Variants in ANKRD44 observed in about 807,000 individuals in gnomAD.
The protein encoded by ANKRD44 is serine/threonine-protein phosphatase 6 regulatory ankyrin repeat subunit B.
In ANKRD44, 35 loss-of-function variants were observed where a neutral mutation model predicts 116.0. That is an observed-to-expected ratio of 0.30 (90% CI 0.23 to 0.40). The LOEUF (loss-of-function observed/expected upper bound fraction) is 0.40. Ranked by LOEUF, ANKRD44 falls within the 10% of genes least tolerant of loss-of-function variation. ANKRD44 has a pLI of 1.00. For synonymous variants in ANKRD44, 435 were observed against 461.8 expected (o/e 0.94, Z 0.74); for missense variants, 1,014 against 1,242.6 (o/e 0.82, Z 2.77).
intron 2 of ANKRD44, among the ~76,000 whole-genome samples, chr2:197,161,909 A>T (rs1231442291): frequency 6.6e-6 from 1 of 152,162 alleles, no homozygotes; most frequent in African/African-American, 2.4e-5. Flanking sequence ...GATGGAACAG[A>T]TCCAGGCATA....
chr2:196,989,552 ATATGTGTGCATGTG>A lies in ANKRD44; in HGVS notation c.*25_*38del, dbSNP rs1559397077. On this transcript the variant is annotated 3_prime_UTR_variant, in exon 28 of 28. Coordinates refer to ENST00000282272, the MANE Select transcript of ANKRD44 (RefSeq NM_001195144.2). ...TATATATATATACACACGCACACAT[ATATGTGTGCATGTG>A]TATGTGCATAATTTTTAAAGAGTCT... 1 of 1,547,576 alleles carries A rather than the reference ATATGTGTGCATGTG, an allele frequency of 6.5e-7. No individual in the cohort carries two copies. Among genetic ancestry groups the A allele is most frequent in the Non-Finnish European group, 8.7e-7 (1 of 1,145,378 alleles).
chr2:197,194,353 T>G (rs1047333840), intron 1 of ANKRD44, among the ~76,000 whole-genome samples: 6 of 152,274 alleles, frequency 3.9e-5, no homozygotes, highest in African/African-American at 1.4e-4. Context: ...CATATATTCA[T>G]GCCAGCTTAA....
chr2:196,989,541 C>CA lies in ANKRD44; in HGVS notation c.*49dup, dbSNP rs762460653. Reference sequence around the variant, plus strand: ...ACACACACATATATATATATATACACACGCACACATATATGTGTGCATGTG... The same window carrying CA: ...ACACACACATATATATATATATACACAACGCACACATATATGTGTGCATGTG... On this transcript the variant is annotated 3_prime_UTR_variant, in exon 28 of 28. Coordinates refer to ENST00000282272, the MANE Select transcript of ANKRD44 (RefSeq NM_001195144.2). 6.5e-7 allele frequency: 1 copy of CA among 1,539,702 alleles called. No individual in the cohort carries two copies. Among genetic ancestry groups the CA allele is most frequent in the South Asian group, 1.2e-5 (1 of 83,526 alleles).
intron 16 of ANKRD44, among the ~76,000 whole-genome samples, chr2:197,062,498 G>A (rs1284514571): frequency 2.0e-5 from 3 of 152,236 alleles, no homozygotes; most frequent in Admixed American, 6.5e-5. Context: ...GACAGTGGGT[G>A]CAGCCCACAG....
chr2:196,995,595 T>A, intron 25 of ANKRD44, 134 bp from the exon 26 acceptor site: 1 of 623,086 alleles, frequency 1.6e-6, no homozygotes, highest in Non-Finnish European at 2.7e-6. Flanking sequence ...ATTTTCTGAG[T>A]AATTTTTTTT....
intron 1 of ANKRD44, among the ~76,000 whole-genome samples, chr2:197,269,278 TTGAA>T (rs1559203559): frequency 6.6e-6 from 1 of 152,066 alleles, no homozygotes; most frequent in African/African-American, 2.4e-5. Flanking sequence ...CAGGGAAAGT[TTGAA>T]TATGGAGATA....
At chr2:197,173,622 T>C (rs933567965) in intron 2 of ANKRD44, among the ~76,000 whole-genome samples, 5 of 152,188 alleles carry the variant, frequency 3.3e-5, no homozygotes, top group Non-Finnish European at 7.4e-5. Context: ...TTGAAATGTA[T>C]CATTTCTGAG....
intron 6 of ANKRD44, among the ~76,000 whole-genome samples, chr2:197,124,982 C>T (rs1309547343): frequency 3.3e-5 from 5 of 152,130 alleles, no homozygotes; most frequent in Admixed American, 3.3e-4. Context: ...CTTTTTGTTT[C>T]TTTCAAAAAT....
At chr2:197,026,724 A>G (rs1033006182) in intron 16 of ANKRD44, among the ~76,000 whole-genome samples, 1 of 152,188 alleles carries the variant, frequency 6.6e-6, no homozygotes, top group Non-Finnish European at 1.5e-5. Flanking sequence ...TTAGGCTCTA[A>G]GGAGACAAAG....
intron 1 of ANKRD44, among the ~76,000 whole-genome samples, chr2:197,301,696 GATACAT>G (rs1463209862): frequency 6.6e-6 from 1 of 152,142 alleles, no homozygotes. Context: ...TACATATACA[GATACAT>G]ATACATATTT....
At chr2:197,290,049 G>A (rs1012780733) in intron 1 of ANKRD44, among the ~76,000 whole-genome samples, 4 of 151,950 alleles carry the variant, frequency 2.6e-5, no homozygotes, top group African/African-American at 4.8e-5. Flanking sequence ...TAGGAGAGAC[G>A]GGGTTTCACT....
chr2:197,069,448 T>TA lies in ANKRD44; in HGVS notation c.1650+9254dup, dbSNP rs369601584. On this transcript the variant is annotated intron_variant, in intron 16 of 27. Transcript: ENST00000282272. ...ATGTACCCTAGAACTTAAAGTATAA[T>TA]AAAAAAAAATTGACCTTCTCTTTGC... Among the ~76,000 whole-genome samples the TA allele has an allele frequency of 9.5e-3, 1,441 of 151,652 alleles. 9 individuals are homozygous for TA. The highest frequency in any genetic ancestry group is 0.041 in the Middle Eastern group (12 of 290).
At chr2:197,060,481 C>T (rs2077287476) in intron 16 of ANKRD44, among the ~76,000 whole-genome samples, 2 of 152,166 alleles carry the variant, frequency 1.3e-5, no homozygotes, top group Non-Finnish European at 2.9e-5. Context: ...ATGATTACCA[C>T]AAACAAACTA....
intron 4 of ANKRD44, among the ~76,000 whole-genome samples, chr2:197,129,048 C>T (rs543301853): frequency 6.6e-6 from 1 of 152,190 alleles, no homozygotes; most frequent in South Asian, 2.1e-4. Context: ...CTACTCTTTT[C>T]ACAACAGATA....
At position 196,987,677 on chromosome 2, in the gene ANKRD44, A is replaced by C. The variant is rs990854401; in HGVS notation, c.*1914T>G. 3.1e-5 allele frequency: 31 copies of C among 985,364 alleles called. No homozygotes were observed. Among genetic ancestry groups the C allele is most frequent in the Non-Finnish European group, 3.6e-5 (30 of 829,948 alleles). The allele number at this position is 985,364 out of a possible 1,614,324, so 61.0% of individuals were successfully genotyped here. A position where few individuals can be genotyped will look rare whatever the true frequency, so the allele number is the denominator to read the frequency against. ...GAGCTATTTACTGTAGAATCATAGCAGATTTTAGGCAATTTGGAGATAGTA... is the reference window on the plus strand; with the variant it reads ...GAGCTATTTACTGTAGAATCATAGCCGATTTTAGGCAATTTGGAGATAGTA... On this transcript the variant is annotated 3_prime_UTR_variant, in exon 28 of 28. Coordinates refer to ENST00000282272, the MANE Select transcript of ANKRD44 (RefSeq NM_001195144.2).
At chr2:197,173,887 G>T (rs1338302206) in intron 2 of ANKRD44, among the ~76,000 whole-genome samples, 2 of 152,090 alleles carry the variant, frequency 1.3e-5, no homozygotes, top group African/African-American at 2.4e-5. Context: ...ACAAAAATTA[G>T]CCGGGCATGG....
At chr2:197,129,036 AC>A (rs1559087008) in intron 4 of ANKRD44, among the ~76,000 whole-genome samples, 1 of 152,116 alleles carries the variant, frequency 6.6e-6, no homozygotes. Flanking sequence ...GTTTCTGACC[AC>A]CTACTCTTTT....
intron 1 of ANKRD44, among the ~76,000 whole-genome samples, chr2:197,254,593 A>T (rs1242114514): frequency 9.6e-6 from 1 of 103,630 alleles, no homozygotes; most frequent in Non-Finnish European, 2.0e-5. Context: ...ACACACATAC[A>T]TGCATACACA....
intron 1 of ANKRD44, among the ~76,000 whole-genome samples, chr2:197,277,033 T>C (rs903124790): frequency 6.6e-6 from 1 of 151,510 alleles, no homozygotes; most frequent in Non-Finnish European, 1.5e-5. Context: ...GTTCACGCCA[T>C]TCTCCTGCCT....
Sources: allele counts gnomAD v4.1 joint callset (sites outside exome capture counted in the v4.1 genomes callset), GRCh38; gene constraint gnomAD v4.1.1; transcripts MANE v1.5; gene names NCBI Gene and HGNC (gene_info 2026-07-23, HGNC 2026-07-21).